TBCE: variants seen among roughly 807,000 people sequenced by gnomAD.
TBCE encodes the protein tubulin-specific chaperone E.
TBCE carries 53 observed loss-of-function variants against 77.0 expected under a neutral mutation model. The ratio of observed to expected loss-of-function variants is 0.69; its 90% confidence interval spans 0.55 to 0.87. The LOEUF (loss-of-function observed/expected upper bound fraction) is 0.87. TBCE is among the 40% of genes least tolerant of loss of function. The pLI is 0.00. For synonymous variants in TBCE, 235 were observed against 241.3 expected (o/e 0.97, Z 0.24); for missense variants, 624 against 622.4 (o/e 1.00, Z -0.03).
chr1:235,373,675 G>A (rs1677113659), intron 1 of TBCE, among the ~76,000 whole-genome samples: 1 of 151,316 alleles, frequency 6.6e-6, no homozygotes, highest in East Asian at 1.9e-4. Context: ...TTGAGACGGA[G>A]TCTCGCTCTG....
intron 13 of TBCE, among the ~76,000 whole-genome samples, chr1:235,439,632 C>T (rs1422933356): frequency 4.6e-5 from 7 of 151,072 alleles, no homozygotes; most frequent in East Asian, 4.1e-4. Context: ...GGATTAGAGG[C>T]GCCCGCCACC....
intron 1 of TBCE, 178 bp downstream of exon 1, chr1:235,367,682 C>T (rs1180081935): frequency 6.6e-6 from 1 of 152,396 alleles, no homozygotes; most frequent in Non-Finnish European, 1.5e-5. Flanking sequence ...CCACCCTGCG[C>T]CTCCTGGAAG....
intron 2 of TBCE, among the ~76,000 whole-genome samples, chr1:235,385,495 G>T (rs1233393696): frequency 6.6e-6 from 1 of 151,932 alleles, no homozygotes; most frequent in Non-Finnish European, 1.5e-5. Flanking sequence ...ATGAATCTGG[G>T]TGCTCCTGTA....
Position 235,448,405 on chromosome 1 carries a change from G to GTGTC in TBCE, c.1457_1460dup (p.Asp488ValfsTer8). On this transcript the variant is annotated frameshift_variant, in exon 16 of 17. Transcript: ENST00000642610. LOFTEE classifies it high-confidence loss of function. ...GCTGTCACGTCTTCTCAAAGTTCCT[G>GTGTC]TGTCAGACCTTCTGTTGTCCTATGA... is the stretch of plus-strand genomic sequence containing the variant. 1 of 1,614,104 alleles carries GTGTC rather than the reference G, an allele frequency of 6.2e-7. No homozygotes were observed.
rs778298339 is a variant in TBCE at position 235,419,479 on chromosome 1, G to C, written c.378G>C (p.Leu126=). The change falls in exon 5 of 17, where the codon CTG becomes CTC. Residue 126 remains leucine, a synonymous_variant. Transcript: ENST00000642610. ...AACTCTGTTTTTCATGCAGTCAGCT[G>C]AGCAAGTTGCAAGAAGTTTCTCTGA... ...FDSIMKQQSQ[L]SKLQEVSLRN... 3.7e-6 allele frequency: 6 copies of C among 1,613,968 alleles called. No homozygotes were observed. The African/African-American group carries it at 6.7e-5, about 18-fold the overall frequency.
intron 2 of TBCE, among the ~76,000 whole-genome samples, chr1:235,393,354 C>T (rs1461939268): frequency 3.9e-5 from 6 of 152,106 alleles, no homozygotes; most frequent in South Asian, 2.1e-4. Flanking sequence ...CTGGCTAACA[C>T]GGTGAAACCC....
Position 235,403,637 on chromosome 1 carries a change from C to T in TBCE, c.185+2050C>T, listed in dbSNP as rs150877668. 6.1e-3 allele frequency among the ~76,000 whole-genome samples: 924 copies of T among 152,270 alleles called. 12 individuals carry two copies. The highest frequency in any genetic ancestry group is 0.024 in the Middle Eastern group (7 of 294). On this transcript the variant is annotated intron_variant, in intron 3 of 16. Coordinates refer to ENST00000642610, the MANE Select transcript of TBCE (RefSeq NM_003193.5). ...TGATATTTTCAAAGTCTTGGTTGCT[C>T]TGAGCAGAAAAATCAAGAATTGCTT...
At chr1:235,422,282 C>T (rs182003751) in intron 5 of TBCE, among the ~76,000 whole-genome samples, 72 of 152,242 alleles carry the variant, frequency 4.7e-4, no homozygotes, top group African/African-American at 1.6e-3. Context: ...GAGGCCAAGG[C>T]GGGTGGATCA....
intron 2 of TBCE, among the ~76,000 whole-genome samples, chr1:235,395,011 T>C (rs1287703003): frequency 6.6e-6 from 1 of 152,226 alleles, no homozygotes; most frequent in East Asian, 1.9e-4. Context: ...GGCCAGCTTA[T>C]ATATTTGTAA....
In TBCE at chr1:235,449,024, A is replaced by G. The variant is rs950522785; in HGVS notation, c.*262A>G. ...TTACAGCTCATCACTGCATTTCATG[A>G]TAAGATTTAAATATTAAATAGAAAG... On this transcript the variant is annotated 3_prime_UTR_variant, in exon 17 of 17. Coordinates refer to ENST00000642610, the MANE Select transcript of TBCE (RefSeq NM_003193.5). 1.3e-5 allele frequency: 5 copies of G among 378,834 alleles called. No homozygotes were observed. Among genetic ancestry groups the G allele is most frequent in the South Asian group, 2.4e-5 (1 of 42,444 alleles). 23.5% of individuals were successfully genotyped at this position (378,834 alleles called of 1,614,324 possible).
chr1:235,397,351 G>A (rs928777694), intron 2 of TBCE, among the ~76,000 whole-genome samples: 3 of 152,158 alleles, frequency 2.0e-5, no homozygotes, highest in South Asian at 2.1e-4. Flanking sequence ...ACGGGCGCCC[G>A]CCAGGATGCG....
intron 2 of TBCE, among the ~76,000 whole-genome samples, chr1:235,389,726 A>C (rs1678264192): frequency 6.6e-6 from 1 of 152,190 alleles, no homozygotes; most frequent in South Asian, 2.1e-4. Context: ...ACTTCACTGG[A>C]TGTTGTAGAG....
chr1:235,425,991 C>T (rs997775906), intron 5 of TBCE, among the ~76,000 whole-genome samples: 3 of 152,198 alleles, frequency 2.0e-5, no homozygotes, highest in African/African-American at 4.8e-5. Flanking sequence ...GTGTCGTGAT[C>T]GTCTCTCCCC....
At chr1:235,435,348 G>A (rs138692202) in intron 8 of TBCE, among the ~76,000 whole-genome samples, 3,414 of 152,144 alleles carry the variant, frequency 0.022, 139 homozygotes, top group African/African-American at 0.077. Flanking sequence ...TGATCCACCC[G>A]CCTCGGCCTC....
intron 3 of TBCE, among the ~76,000 whole-genome samples, chr1:235,411,659 C>T (rs4659853): frequency 0.084 from 12,835 of 152,194 alleles, 1,423 homozygotes; most frequent in East Asian, 0.49. Context: ...AGGCTTGTAA[C>T]TTAAGAGACA....
chr1:235,414,146 G>A (rs866747158), intron 3 of TBCE: 37 of 369,808 alleles, frequency 1.0e-4, no homozygotes, highest in Non-Finnish European at 1.5e-4. Context: ...ATGAGCCACC[G>A]TGCCTGGCCA....
At chr1:235,399,388 T>C (rs1206101599) in intron 2 of TBCE, among the ~76,000 whole-genome samples, 4 of 152,232 alleles carry the variant, frequency 2.6e-5, no homozygotes, top group Admixed American at 2.6e-4. Flanking sequence ...ATAATATTGG[T>C]GTGTCAGGCC....
At chr1:235,432,455 C>T (rs577227195) in intron 7 of TBCE, among the ~76,000 whole-genome samples, 2 of 152,294 alleles carry the variant, frequency 1.3e-5, no homozygotes, top group East Asian at 1.9e-4. Context: ...GCGCTTACTC[C>T]CTCTCAAGGT....
intron 2 of TBCE, among the ~76,000 whole-genome samples, chr1:235,391,723 C>T (rs1678405943): frequency 6.7e-6 from 1 of 149,474 alleles, no homozygotes; most frequent in South Asian, 2.1e-4. Flanking sequence ...TCTCCTCCCT[C>T]AGCCTCCCAA....
Sources: allele counts gnomAD v4.1 joint callset (sites outside exome capture counted in the v4.1 genomes callset), GRCh38; gene constraint gnomAD v4.1.1; transcripts MANE v1.5; gene names NCBI Gene and HGNC (gene_info 2026-07-23, HGNC 2026-07-21).